Variants in CSPP1 observed in about 807,000 individuals in gnomAD.
CSPP1 encodes the protein centrosome and spindle pole associated protein 1.
Under a neutral mutation model 164.4 loss-of-function variants are expected in CSPP1, and 126 were observed. That is an observed-to-expected ratio of 0.77 (90% CI 0.66 to 0.89). CSPP1 has a LOEUF of 0.89. Among genes scored for constraint, CSPP1 ranks in the 40% least tolerant of loss-of-function variants. The pLI, the probability that CSPP1 is intolerant of heterozygous loss-of-function variation, is 0.00. For synonymous variants in CSPP1, 472 were observed against 476.7 expected (o/e 0.99, Z 0.13); for missense variants, 1,395 against 1,449.8 (o/e 0.96, Z 0.61).
intron 1 of CSPP1, among the ~76,000 whole-genome samples, chr8:67,070,287 C>A (rs1806455671): frequency 6.6e-6 from 1 of 151,774 alleles, no homozygotes; most frequent in Non-Finnish European, 1.5e-5. Flanking sequence ...ACAGTGAAAC[C>A]CTGTCTCTAC....
intron 9 of CSPP1, among the ~76,000 whole-genome samples, chr8:67,110,711 A>C (rs1268876295): frequency 2.0e-5 from 3 of 151,854 alleles, no homozygotes; most frequent in African/African-American, 4.8e-5. Context: ...TTACCTCTTT[A>C]CCTGTATCTG....
chr8:67,196,110 G>GTAAT lies in CSPP1; in HGVS notation c.*520_*523dup, dbSNP rs1348433827. The stretch of plus-strand genomic sequence containing the variant: ...TGATACAGCAGAAATGAAGGGAACT[G>GTAAT]TAATTACTTGTATTTTTGTAAGCCA... On this transcript the variant is annotated 3_prime_UTR_variant, in exon 31 of 31. Coordinates refer to ENST00000678616, the MANE Select transcript of CSPP1 (RefSeq NM_001382391.1). 1 of 152,720 alleles carries GTAAT rather than the reference G, an allele frequency of 6.5e-6. No homozygotes were observed. Among genetic ancestry groups the GTAAT allele is most frequent in the East Asian group, 1.9e-4 (1 of 5,198 alleles). 9.5% of individuals were successfully genotyped at this position (152,720 alleles called of 1,614,324 possible). A position where few individuals can be genotyped will look rare whatever the true frequency, so the allele number is the denominator to read the frequency against.
chr8:67,074,376 C>T, intron 2 of CSPP1, 25 bp downstream of exon 2: 1 of 1,404,812 alleles, frequency 7.1e-7, no homozygotes, highest in Non-Finnish European at 1.0e-6. Context: ...TTTCTTTGAA[C>T]ATGTTTTATT....
intron 21 of CSPP1, among the ~76,000 whole-genome samples, chr8:67,159,919 T>TCTTTCTTTCTTTCTTTC (rs1563712547): frequency 1.7e-5 from 1 of 59,358 alleles, no homozygotes; most frequent in Non-Finnish European, 3.3e-5. Context: ...TTTCTTTCTT[T>TCTTTCTTTCTTTCTTTC]CTTTCCTTTC....
chr8:67,103,825 G>A (rs1330509709), intron 8 of CSPP1, among the ~76,000 whole-genome samples: 2 of 129,608 alleles, frequency 1.5e-5, no homozygotes, highest in South Asian at 2.5e-4. Context: ...GGGCAACAGA[G>A]CAAGACTCCC....
chr8:67,169,911 T>C (rs1368553316), intron 24 of CSPP1, among the ~76,000 whole-genome samples: 1 of 152,042 alleles, frequency 6.6e-6, no homozygotes, highest in East Asian at 1.9e-4. Flanking sequence ...CCACACCTGC[T>C]AATTTTTGCA....
chr8:67,175,346 G>GATC lies in CSPP1; in HGVS notation c.3024_3026dup (p.His1009dup), dbSNP rs774996607. The GATC allele has an allele frequency of 2.5e-6, 4 of 1,613,430 alleles. No individual in the cohort carries two copies. ...ATTTATGTACCTGGATCCTCCAAGA[G>GATC]ATCATCACACCTTAGAGATTCAGCA... On this transcript the variant is annotated inframe_insertion, in exon 26 of 31. Transcript: ENST00000678616.
intron 24 of CSPP1, among the ~76,000 whole-genome samples, chr8:67,166,214 G>A (rs1030705424): frequency 6.6e-6 from 1 of 152,118 alleles, no homozygotes; most frequent in Non-Finnish European, 1.5e-5. Flanking sequence ...ATTTCTCCAA[G>A]GAGCCCTGGT....
At chr8:67,079,663 GCTT>G (rs1171674996) in intron 3 of CSPP1, among the ~76,000 whole-genome samples, 1 of 152,038 alleles carries the variant, frequency 6.6e-6, no homozygotes, top group African/African-American at 2.4e-5. Flanking sequence ...CCCTTTGATG[GCTT>G]CTTTTTTTCT....
chr8:67,187,559 C>G (rs1420337761), intron 28 of CSPP1, among the ~76,000 whole-genome samples: 1 of 152,066 alleles, frequency 6.6e-6, no homozygotes, highest in African/African-American at 2.4e-5. Context: ...TGGCACACAC[C>G]TGAAGTCCTA....
At chr8:67,124,733 G>A (rs901996303) in intron 15 of CSPP1, among the ~76,000 whole-genome samples, 1 of 152,180 alleles carries the variant, frequency 6.6e-6, no homozygotes, top group Admixed American at 6.5e-5. Context: ...CCAGGCTGGA[G>A]TGCAGTGGTA....
Position 67,137,482 on chromosome 8 carries a change from G to T in CSPP1, c.1854G>T (p.Lys618Asn). The change falls in exon 17 of 31, where the codon AAG becomes AAT. Residue 618 changes from lysine (K) to asparagine (N), a missense_variant. Coordinates refer to ENST00000678616, the MANE Select transcript of CSPP1 (RefSeq NM_001382391.1). ...TTCGGGAAAGAGAAGAAAGAAGGAA[G>T]AAAGAACGTGAAGAAAAAGAAGAAT... is the stretch of plus-strand genomic sequence containing the variant. The part of the protein sequence containing the change: ...QQIREREERR[K>N]KEREEKEEYE... 6.5e-7 allele frequency: 1 copy of T among 1,531,266 alleles called. No individual in the cohort carries two copies. The highest frequency in any genetic ancestry group is 8.9e-7 in the Non-Finnish European group (1 of 1,122,780). The allele number at this position is 1,531,266 out of a possible 1,614,324, so 94.9% of individuals were successfully genotyped here. A position where few individuals can be genotyped will look rare whatever the true frequency, so the allele number is the denominator to read the frequency against.
Position 67,095,742 on chromosome 8 carries a change from ACTT to A in CSPP1, c.923+12_923+14del. ...TGTATACAAATGACAGGTATTTACA[ACTT>A]CATTTTTATTTTATTTGCTTAATAT... is the stretch of plus-strand genomic sequence containing the variant. On this transcript the variant is annotated intron_variant, in intron 7 of 30. Transcript: ENST00000678616. 6.8e-7 allele frequency: 1 copy of A among 1,470,704 alleles called. No homozygotes were observed. Among genetic ancestry groups the A allele is most frequent in the African/African-American group, 1.4e-5 (1 of 70,576 alleles). The allele number at this position is 1,470,704 out of a possible 1,614,324, so 91.1% of individuals were successfully genotyped here.
intron 15 of CSPP1, among the ~76,000 whole-genome samples, chr8:67,124,416 A>G (rs1228177494): frequency 2.0e-5 from 3 of 152,204 alleles, no homozygotes; most frequent in African/African-American, 7.2e-5. Context: ...TGATGCTATT[A>G]TTGTCATACA....
At position 67,159,856 on chromosome 8, in the gene CSPP1, CTTTCTTTCTT is replaced by C. The variant is rs1563710837; in HGVS notation, c.2538+721_2538+730del. The stretch of plus-strand genomic sequence containing the variant: ...TTTCTTTCTTTCTTTCTTTCTTTTT[CTTTCTTTCTT>C]TCTTTCTTTCTTTCTTTCTTTCTTT... On this transcript the variant is annotated intron_variant, in intron 21 of 30. Transcript: ENST00000678616. 6.4e-3 allele frequency among the ~76,000 whole-genome samples: 135 copies of C among 21,080 alleles called. 9 individuals are homozygous for C. Among genetic ancestry groups the C allele is most frequent in the African/African-American group, 7.7e-3 (26 of 3,368 alleles). The allele number at this position is 21,080 out of a possible 152,430, so 13.8% of individuals were successfully genotyped here. A position where few individuals can be genotyped will look rare whatever the true frequency, so the allele number is the denominator to read the frequency against.
At chr8:67,084,783 A>G (rs571278504) in intron 3 of CSPP1, among the ~76,000 whole-genome samples, 9 of 152,196 alleles carry the variant, frequency 5.9e-5, no homozygotes, top group African/African-American at 2.2e-4. Context: ...TTGTTTAGAA[A>G]TGATAATTTT....
At chr8:67,073,453 G>A (rs1441145243) in intron 1 of CSPP1, among the ~76,000 whole-genome samples, 2 of 152,110 alleles carry the variant, frequency 1.3e-5, no homozygotes, top group Admixed American at 1.3e-4. Flanking sequence ...AAGAAAGATG[G>A]TAGAGATAGA....
In CSPP1 at chr8:67,116,000, A is replaced by G. The variant is rs966785554; in HGVS notation, c.1374A>G (p.Thr458=). 6.2e-7 allele frequency: 1 copy of G among 1,613,554 alleles called. No individual in the cohort carries two copies. The highest frequency in any genetic ancestry group is 8.5e-7 in the Non-Finnish European group (1 of 1,179,792). Residue 458 remains threonine (T), a synonymous_variant, in exon 13 of 31, where the codon ACA becomes ACG. Coordinates refer to ENST00000678616, the MANE Select transcript of CSPP1 (RefSeq NM_001382391.1). ...AAAGACCCAGAATAGCTTTCCAGACACCTCTCCCTCCTTTATCTGCCCCAT... is the reference window on the plus strand; with the variant it reads ...AAAGACCCAGAATAGCTTTCCAGACGCCTCTCCCTCCTTTATCTGCCCCAT... ...PPERPRIAFQ[T]PLPPLSAPSV...
At chr8:67,176,824 C>A (rs530495591) in intron 26 of CSPP1, among the ~76,000 whole-genome samples, 10 of 152,086 alleles carry the variant, frequency 6.6e-5, no homozygotes, top group Admixed American at 5.9e-4. Context: ...GTAATCCCAG[C>A]GCTTTGGGAG....
Sources: allele counts gnomAD v4.1 joint callset (sites outside exome capture counted in the v4.1 genomes callset), GRCh38; gene constraint gnomAD v4.1.1; transcripts MANE v1.5; gene names NCBI Gene and HGNC (gene_info 2026-07-23, HGNC 2026-07-21).